The following ATIC variants were observed in gnomAD, a reference collection of about 807,000 sequenced individuals.
ATIC encodes 5-aminoimidazole-4-carboxamide ribonucleotide formyltransferase/IMP cyclohydrolase, also known as bifunctional purine biosynthesis protein ATIC.
ATIC carries 64 observed loss-of-function variants against 72.5 expected under a neutral mutation model. The observed-to-expected ratio is 0.88, with a 90% CI of 0.72 to 1.09. ATIC has a LOEUF of 1.09. ATIC is among the 50% of genes least tolerant of loss of function. The pLI, the probability that ATIC is intolerant of heterozygous loss-of-function variation, is 0.00. For missense variants in ATIC, 787 were observed against 732.4 expected, an observed-to-expected ratio of 1.07 and a Z score of -0.86; for synonymous variants, 281 against 267.1, an observed-to-expected ratio of 1.05 and a Z score of -0.51.
chr2:215,315,514 G>A (rs1239686841), intron 2 of ATIC, among the ~76,000 whole-genome samples: 3 of 152,042 alleles, frequency 2.0e-5, no homozygotes, highest in Non-Finnish European at 4.4e-5. Flanking sequence ...ACACCAGCAT[G>A]CCCAACTAAT....
At chr2:215,319,904 T>TA (rs1448580093) in intron 4 of ATIC, among the ~76,000 whole-genome samples, 173 bp downstream of exon 4, 1 of 152,210 alleles carries the variant, frequency 6.6e-6, no homozygotes, top group African/African-American at 2.4e-5. Context: ...CCAAAATACA[T>TA]ACTGAAGTTT....
chr2:215,330,767 T>C (rs1186136802), intron 7 of ATIC, among the ~76,000 whole-genome samples: 1 of 151,550 alleles, frequency 6.6e-6, no homozygotes, highest in African/African-American at 2.4e-5. Flanking sequence ...GGTTTTGATA[T>C]CCTGGGACTC....
At chr2:215,349,278 A>C in intron 15 of ATIC, 29 bp downstream of exon 15, 1 of 1,613,754 alleles carries the variant, frequency 6.2e-7, no homozygotes, top group Non-Finnish European at 8.5e-7. Flanking sequence ...GCATTTGCTT[A>C]GAGTTGAGCA....
Position 215,331,634 on chromosome 2 carries a change from G to A in ATIC, c.689-748G>A, listed in dbSNP as rs538821846. Among the ~76,000 whole-genome samples, 6 of 152,072 alleles carry A rather than the reference G, an allele frequency of 3.9e-5. No individual in the cohort carries two copies. The South Asian group carries it at 1.2e-3, about 32-fold the overall frequency. On this transcript the variant is annotated intron_variant, in intron 7 of 15. Coordinates refer to ENST00000236959, the MANE Select transcript of ATIC (RefSeq NM_004044.7). Reference sequence around the variant, plus strand: ...CCTGACCTTGTGATCCACCCACCTCGGCCTCCCAAAGTGCTGGGGTCATGG... The same window carrying A: ...CCTGACCTTGTGATCCACCCACCTCAGCCTCCCAAAGTGCTGGGGTCATGG...
rs561011230 is a variant in ATIC, at chr2:215,317,247, T to C, written c.147-910T>C. Among the ~76,000 whole-genome samples the C allele has an allele frequency of 3.3e-5, 5 of 152,360 alleles. 1 individual carries two copies. Among genetic ancestry groups the C allele is most frequent in the Admixed American group, 2.0e-4 (3 of 15,296 alleles). On this transcript the variant is annotated intron_variant, in intron 2 of 15. Transcript: ENST00000236959. ...TTATTTTTTCTAGTTTACTTTTTTTTCCCATGTAAAACTTTTTATTTAACA... is the reference window on the plus strand; with the variant it reads ...TTATTTTTTCTAGTTTACTTTTTTTCCCCATGTAAAACTTTTTATTTAACA...
At chr2:215,330,106 TC>T (rs1027274142) in intron 7 of ATIC, among the ~76,000 whole-genome samples, 5 of 152,214 alleles carry the variant, frequency 3.3e-5, no homozygotes, top group African/African-American at 1.2e-4. Context: ...AAAAGTTTTC[TC>T]CCACTTATCA....
At chr2:215,328,783 T>A (rs927068726) in intron 7 of ATIC, among the ~76,000 whole-genome samples, 1 of 151,400 alleles carries the variant, frequency 6.6e-6, no homozygotes, top group African/African-American at 2.4e-5. Context: ...AGTGGTGCGA[T>A]CTTGGCTCGC....
the ATIC span, among the ~76,000 whole-genome samples, chr2:215,356,387 C>T: frequency 6.6e-6 from 1 of 152,178 alleles, no homozygotes; most frequent in Non-Finnish European, 1.5e-5. Flanking sequence ...ACTCTTACCC[C>T]ACATCTCTTC....
chr2:215,365,173 C>T, the ATIC span, among the ~76,000 whole-genome samples: 1 of 152,080 alleles, frequency 6.6e-6, no homozygotes, highest in African/African-American at 2.4e-5. Context: ...AAAATTAGAC[C>T]TAATACACTG....
chr2:215,333,501 C>T, intron 9 of ATIC, 44 bp downstream of exon 9: 1 of 1,494,308 alleles, frequency 6.7e-7, no homozygotes, highest in Non-Finnish European at 9.3e-7. Context: ...AAAGAAAAAG[C>T]AATATTTTAT....
intron 14 of ATIC, chr2:215,348,555 T>C (rs1365674596): frequency 5.9e-6 from 2 of 339,816 alleles, no homozygotes; most frequent in Admixed American, 8.8e-5. Flanking sequence ...AATGGTATTA[T>C]CTTTATTTGG....
chr2:215,352,009 C>T (rs1237621875), downstream of ATIC, among the ~76,000 whole-genome samples: 1 of 152,092 alleles, frequency 6.6e-6, no homozygotes, highest in Non-Finnish European at 1.5e-5. Context: ...TACAAAATAC[C>T]TTCCTACTGT....
rs189976931 is a variant in ATIC at position 215,314,652 on chromosome 2, C to G, written c.146+2028C>G. On this transcript the variant is annotated intron_variant, in intron 2 of 15. Transcript: ENST00000236959. ...TAGCTAGGATTACAGGCGCCCGCCA[C>G]CACGCCTGGCTAATTTTTTTGTATT... is the stretch of plus-strand genomic sequence containing the variant. Among the ~76,000 whole-genome samples, 136 of 152,226 alleles carry G rather than the reference C, an allele frequency of 8.9e-4. 1 individual carries two copies. The highest frequency in any genetic ancestry group is 3.2e-3 in the African/African-American group (133 of 41,540).
At chr2:215,336,570 C>G (rs189803652) in intron 11 of ATIC, among the ~76,000 whole-genome samples, 31 of 152,324 alleles carry the variant, frequency 2.0e-4, no homozygotes, top group Non-Finnish European at 3.7e-4. Flanking sequence ...TTTTAAATTT[C>G]TTGCTTATCT....
intron 4 of ATIC, among the ~76,000 whole-genome samples, chr2:215,321,299 A>G (rs1403564346): frequency 6.6e-6 from 1 of 152,162 alleles, no homozygotes; most frequent in Non-Finnish European, 1.5e-5. Context: ...ATGTTATAGC[A>G]TAGTATCAAT....
chr2:215,367,913 A>G, the ATIC span: 1 of 1,614,184 alleles, frequency 6.2e-7, no homozygotes, highest in Non-Finnish European at 8.5e-7. Flanking sequence ...GCACTGGCAC[A>G]ACAGTTTAAA....
At chr2:215,316,440 A>C (rs1361663466) in intron 2 of ATIC, among the ~76,000 whole-genome samples, 1 of 152,166 alleles carries the variant, frequency 6.6e-6, no homozygotes, top group Non-Finnish European at 1.5e-5. Flanking sequence ...TTGCTGCTTT[A>C]AAGTGTTTAT....
rs2052905974 is a variant in ATIC at position 215,332,443 on chromosome 2, G to A, written c.750G>A (p.Val250=). The change falls in exon 8 of 16, where the codon GTG becomes GTA. Residue 250 remains valine (V), a synonymous_variant. Transcript: ENST00000236959. The part of the protein sequence containing the change: ...LCDALNAWQL[V]KELKEALGIP... ...ATGCTTTGAACGCCTGGCAGCTGGT[G>A]AAGGAACTCAAGGAGGCTTTAGGTA... The A allele has an allele frequency of 1.9e-6, 3 of 1,614,038 alleles. No individual in the cohort carries two copies. In the South Asian group the frequency reaches 3.3e-5, roughly 18 times the overall value.
chr2:215,330,011 C>T (rs2052873326), intron 7 of ATIC, among the ~76,000 whole-genome samples: 1 of 152,236 alleles, frequency 6.6e-6, no homozygotes, highest in African/African-American at 2.4e-5. Flanking sequence ...ATCCACCCAC[C>T]TTGGCCTCCC....
Sources: gnomAD v4.1 joint callset for allele counts (sites outside exome capture counted in the v4.1 genomes callset) on GRCh38, gnomAD v4.1.1 for gene constraint, MANE v1.5 for transcripts, NCBI Gene and HGNC (gene_info 2026-07-23, HGNC 2026-07-21) for gene names.